AKAP11: variants seen among roughly 807,000 people sequenced by gnomAD.
AKAP11 encodes the protein A-kinase anchor protein 11.
AKAP11 carries 36 observed loss-of-function variants against 146.1 expected under a neutral mutation model. The observed-to-expected ratio is 0.25, with a 90% CI of 0.19 to 0.33. The LOEUF is 0.33. Among genes scored for constraint, AKAP11 ranks in the 10% least tolerant of loss-of-function variants. The pLI is 1.00. For missense variants in AKAP11, 2,201 were observed against 2,197.0 expected, an observed-to-expected ratio of 1.00 and a Z score of -0.04; for synonymous variants, 780 against 786.5, an observed-to-expected ratio of 0.99 and a Z score of 0.14.
upstream of AKAP11, among the ~76,000 whole-genome samples, chr13:42,271,862 C>T: frequency 6.6e-6 from 1 of 151,346 alleles, no homozygotes; most frequent in Non-Finnish European, 1.5e-5. Context: ...GGGGCTGCCC[C>T]GCGGGCTGCT....
chr13:42,317,760 A>T (rs192471743), intron 12 of AKAP11, 72 bp downstream of exon 12: 2 of 1,499,008 alleles, frequency 1.3e-6, no homozygotes, highest in African/African-American at 2.8e-5. Flanking sequence ...TGATTGGTCT[A>T]ACAAGATGCC....
chr13:42,300,084 A>G lies in AKAP11; in HGVS notation c.1338A>G (p.Leu446=). 6.2e-7 allele frequency: 1 copy of G among 1,613,958 alleles called. No homozygotes were observed. The highest frequency in any genetic ancestry group is 8.5e-7 in the Non-Finnish European group (1 of 1,179,840). ...AGGCATCAAGGGAAGATAGTGGTTTATTTAGTCCTATTCGATCCTCTGCTT... is the reference window on the plus strand; with the variant it reads ...AGGCATCAAGGGAAGATAGTGGTTTGTTTAGTCCTATTCGATCCTCTGCTT... ...PVKASREDSG[L]FSPIRSSAFS... is the part of the protein sequence containing the mutation. The change falls in exon 8 of 13, where the codon TTA becomes TTG. Residue 446 remains leucine (L), a synonymous_variant. Transcript: ENST00000025301.
chr13:42,273,053 A>G (rs777683798), intron 1 of AKAP11, among the ~76,000 whole-genome samples: 6 of 152,208 alleles, frequency 3.9e-5, no homozygotes, highest in Non-Finnish European at 8.8e-5. Context: ...AAGGAGTTTC[A>G]TGGTGAGAAA....
intron 8 of AKAP11, among the ~76,000 whole-genome samples, chr13:42,304,958 C>G (rs1227957343): frequency 6.6e-6 from 1 of 152,108 alleles, no homozygotes; most frequent in African/African-American, 2.4e-5. Context: ...ACCAAGTTGG[C>G]CAGGCTGGTC....
At chr13:42,291,091 C>G (rs1250481644) in intron 3 of AKAP11, among the ~76,000 whole-genome samples, 1 of 151,878 alleles carries the variant, frequency 6.6e-6, no homozygotes, top group African/African-American at 2.4e-5. Flanking sequence ...ATTTGTACCT[C>G]TTAGACTAAA....
chr13:42,318,855 G>C (rs1039209987), intron 12 of AKAP11, among the ~76,000 whole-genome samples: 2 of 152,162 alleles, frequency 1.3e-5, no homozygotes, highest in Non-Finnish European at 2.9e-5. Flanking sequence ...TGTCTCCAGC[G>C]ATCCCAAAGT....
At chr13:42,310,467 T>C (rs563180951) in intron 9 of AKAP11, among the ~76,000 whole-genome samples, 8 of 152,336 alleles carry the variant, frequency 5.3e-5, no homozygotes, top group African/African-American at 1.7e-4. Flanking sequence ...CTTGAAAATA[T>C]ATTGATTTAC....
In AKAP11 at chr13:42,300,999, TATG is replaced by T. The variant is rs1400985527; in HGVS notation, c.2254_2256del (p.Met752del). The stretch of plus-strand genomic sequence containing the variant: ...CCCCTTCTTTTCACAATCAAGCAAT[TATG>T]GTGACAAAACCAGTGCAGGAATATA... On this transcript the variant is annotated inframe_deletion, in exon 8 of 13. Coordinates refer to ENST00000025301, the MANE Select transcript of AKAP11 (RefSeq NM_016248.4). The T allele has an allele frequency of 1.3e-5, 21 of 1,614,068 alleles. No individual in the cohort carries two copies. Among genetic ancestry groups the T allele is most frequent in the Non-Finnish European group, 1.8e-5 (21 of 1,179,956 alleles).
At chr13:42,282,260 CTTTTTTTTTTT>C (rs768248255) in intron 1 of AKAP11, among the ~76,000 whole-genome samples, 2 of 112,390 alleles carry the variant, frequency 1.8e-5, no homozygotes, top group Non-Finnish European at 3.7e-5. Context: ...CTAGGCCAGT[CTTTTTTTTTTT>C]TTTTTTTTTT....
chr13:42,279,318 A>G (rs531490331), intron 1 of AKAP11, among the ~76,000 whole-genome samples: 10 of 151,716 alleles, frequency 6.6e-5, no homozygotes, highest in East Asian at 3.9e-4. Context: ...CTTACTCACT[A>G]TGTCTCTTCG....
intron 1 of AKAP11, among the ~76,000 whole-genome samples, chr13:42,285,028 C>T (rs181269313): frequency 2.7e-4 from 41 of 152,298 alleles, no homozygotes; most frequent in South Asian, 8.3e-4. Flanking sequence ...TGTGCACTCA[C>T]GCTATAGTCT....
Position 42,317,668 on chromosome 13 carries a change from G to C in AKAP11, c.5545G>C (p.Ala1849Pro). 6.2e-7 allele frequency: 1 copy of C among 1,613,898 alleles called. No homozygotes were observed. The highest frequency in any genetic ancestry group is 2.2e-5 in the East Asian group (1 of 44,868). Residue 1849 changes from alanine (A) to proline (P), a missense_variant, in exon 12 of 13, where the codon GCA becomes CCA. Coordinates refer to ENST00000025301, the MANE Select transcript of AKAP11 (RefSeq NM_016248.4). ...TGCAGAACTTTATTTTCATGACTCT[G>C]CAAATAAGGAGTTTATGCTAGTAAG... The part of the protein sequence containing the change: ...EVAELYFHDS[A>P]NKEFMLLSKQ...
At chr13:42,318,615 TAGAA>T (rs1213624894) in intron 12 of AKAP11, among the ~76,000 whole-genome samples, 9 of 152,200 alleles carry the variant, frequency 5.9e-5, no homozygotes, top group Admixed American at 3.3e-4. Flanking sequence ...TTCTTTAACT[TAGAA>T]AGCCATGTTT....
At chr13:42,314,350 C>T (rs749499080) in intron 11 of AKAP11, among the ~76,000 whole-genome samples, 31 of 150,456 alleles carry the variant, frequency 2.1e-4, no homozygotes, top group Non-Finnish European at 3.7e-4. Context: ...GAGGCTGAGG[C>T]GCAGGATTCA....
rs1959848733 is a variant in AKAP11, at chr13:42,300,928, G to A, written c.2182G>A (p.Val728Met). 4 of 1,614,142 alleles carry A rather than the reference G, an allele frequency of 2.5e-6. No homozygotes were observed. The highest frequency in any genetic ancestry group is 3.4e-6 in the Non-Finnish European group (4 of 1,179,978). Residue 728 changes from valine to methionine, a missense_variant, in exon 8 of 13, where the codon GTG becomes ATG. Transcript: ENST00000025301. ...VSVSTDNIKY[V>M]SAESVVPSTQ... ...TGTCTCTACGGATAATATCAAGTAT[G>A]TGAGTGCAGAAAGTGTAGTGCCATC...
chr13:42,289,425 T>G (rs186679436), intron 3 of AKAP11, among the ~76,000 whole-genome samples: 86 of 152,284 alleles, frequency 5.6e-4, no homozygotes, highest in Admixed American at 4.5e-3. Flanking sequence ...ACTCATGGAT[T>G]TTTGCAGTTC....
In AKAP11 at chr13:42,301,452, A is replaced by C. The variant is rs761309522; in HGVS notation, c.2706A>C (p.Glu902Asp). 1.1e-5 allele frequency: 17 copies of C among 1,613,472 alleles called. No homozygotes were observed. The highest frequency in any genetic ancestry group is 1.4e-5 in the Non-Finnish European group (17 of 1,179,806). The change falls in exon 8 of 13, where the codon GAA becomes GAC. Residue 902 changes from glutamate (E) to aspartate (D), a missense_variant. Around this residue, in one of 3 missense-constraint regions of AKAP11, gnomAD observed 1,867 missense variants for 1,833.5 expected, o/e 1.02. Coordinates refer to ENST00000025301, the MANE Select transcript of AKAP11 (RefSeq NM_016248.4). ...TSLEVTKMVD[E>D]RTDYLTKSLK... ...TGGAAGTTACAAAAATGGTTGATGA[A>C]CGTACAGATTATTTAACTAAATCTT...
chr13:42,305,077 T>C, intron 8 of AKAP11, among the ~76,000 whole-genome samples: 1 of 152,156 alleles, frequency 6.6e-6, no homozygotes, highest in African/African-American at 2.4e-5. Flanking sequence ...TAATAACAAC[T>C]TAGTTACAGT....
intron 9 of AKAP11, among the ~76,000 whole-genome samples, chr13:42,309,099 T>C (rs1960427124): frequency 6.6e-6 from 1 of 152,192 alleles, no homozygotes; most frequent in African/African-American, 2.4e-5. Context: ...GCTTGAATGA[T>C]TGAAAATACG....
Sources: gnomAD v4.1 joint callset for allele counts (sites outside exome capture counted in the v4.1 genomes callset) on GRCh38, gnomAD v4.1.1 for gene constraint, gnomAD v4.1.1 regional missense constraint, MANE v1.5 for transcripts, NCBI Gene and HGNC (gene_info 2026-07-23, HGNC 2026-07-21) for gene names.